Variants in INTS4 observed in about 807,000 individuals in gnomAD.
The protein encoded by INTS4 is integrator complex subunit 4, also known as MSTP093.
Under a neutral mutation model 119.5 loss-of-function variants are expected in INTS4, and 70 were observed. The observed-to-expected ratio is 0.59, with a 90% confidence interval of 0.48 to 0.71. The LOEUF is 0.71. Among genes scored for constraint, INTS4 ranks in the 30% least tolerant of loss-of-function variants. The pLI is 0.00. For missense variants in INTS4, 867 were observed against 1,173.2 expected (o/e 0.74, Z 3.81); for synonymous variants, 316 against 419.6 (o/e 0.75, Z 3.02).
At chr11:77,889,369 G>C (rs1014593407) in intron 21 of INTS4, among the ~76,000 whole-genome samples, 4 of 149,876 alleles carry the variant, frequency 2.7e-5, no homozygotes, top group Admixed American at 1.3e-4. Context: ...ACACAGGAAG[G>C]GGAACATCAC....
chr11:77,972,870 C>T (rs1591128988), intron 4 of INTS4, among the ~76,000 whole-genome samples: 1 of 147,748 alleles, frequency 6.8e-6, no homozygotes, highest in Non-Finnish European at 1.5e-5. Context: ...TCTCATTCTG[C>T]TGCCCAGGCT....
chr11:77,921,065 G>A (rs1032415521), intron 14 of INTS4, among the ~76,000 whole-genome samples: 20 of 152,028 alleles, frequency 1.3e-4, no homozygotes, highest in African/African-American at 4.6e-4. Context: ...GAAAGAGAAT[G>A]AACAAACAAG....
intron 4 of INTS4, among the ~76,000 whole-genome samples, chr11:77,965,797 G>A (rs1855479740): frequency 6.6e-6 from 1 of 152,190 alleles, no homozygotes; most frequent in Non-Finnish European, 1.5e-5. Context: ...TGGAGTGCAA[G>A]CATCCCTTCA....
At chr11:77,900,242 G>A (rs1354682161) in intron 18 of INTS4, among the ~76,000 whole-genome samples, 7 of 151,828 alleles carry the variant, frequency 4.6e-5, no homozygotes, top group Non-Finnish European at 1.0e-4. Context: ...TGGGACTACT[G>A]GTGCATGCCA....
rs747363894 is a variant in INTS4 at position 77,924,767 on chromosome 11, A to G, written c.1497T>C (p.Asp499=). ...GTCATTACTTCCATATGGAGTCCCTATCAGTAGGGTACTTGGTTAAATTTT... is the reference window on the plus strand; with the variant it reads ...GTCATTACTTCCATATGGAGTCCCTGTCAGTAGGGTACTTGGTTAAATTTT... ...LLKNLTKYPT[D]RDSIWKCLKF... Residue 499 remains aspartate, a synonymous_variant, in exon 12 of 23, where the codon GAT becomes GAC. Coordinates refer to ENST00000534064, the MANE Select transcript of INTS4 (RefSeq NM_033547.4). 88 of 1,609,142 alleles carry G rather than the reference A, an allele frequency of 5.5e-5. No individual in the cohort carries two copies. Among genetic ancestry groups the G allele is most frequent in the Non-Finnish European group, 7.4e-5 (87 of 1,176,092 alleles).
At chr11:77,890,446 T>C (rs1016457696) in intron 21 of INTS4, among the ~76,000 whole-genome samples, 3 of 151,944 alleles carry the variant, frequency 2.0e-5, no homozygotes, top group Non-Finnish European at 2.9e-5. Flanking sequence ...CTCATATCCC[T>C]TGTGCCCTTC....
intron 14 of INTS4, 40 bp downstream of exon 14, chr11:77,921,300 T>C (rs1953355425): frequency 1.2e-6 from 2 of 1,600,898 alleles, no homozygotes; most frequent in Non-Finnish European, 8.5e-7. Flanking sequence ...CCCTACCCCA[T>C]GCAAAATAAA....
At chr11:77,901,395 A>G in intron 18 of INTS4, 26 bp downstream of exon 18, 36 of 1,613,396 alleles carry the variant, frequency 2.2e-5, no homozygotes, top group Non-Finnish European at 3.1e-5. Flanking sequence ...AACATGCCAC[A>G]TATTTTGGCC....
At position 77,961,027 on chromosome 11, in the gene INTS4, C is replaced by G; in HGVS notation, c.583G>C (p.Asp195His). ...TAATCCCCTATAATCTTCTGGACAT[C>G]TCTGGCAGCTAGGCCTTCTGCATCT... The part of the protein sequence containing the change: ...TKDAEGLAAR[D>H]VQKIIGDYFS... The change falls in exon 5 of 23, where the codon GAT becomes CAT. Residue 195 changes from aspartate to histidine, a missense_variant. Asp to His is a moderately conservative substitution (Grantham distance 81). Coordinates refer to ENST00000534064, the MANE Select transcript of INTS4 (RefSeq NM_033547.4). 1 of 1,613,692 alleles carries G rather than the reference C, an allele frequency of 6.2e-7. No individual in the cohort carries two copies. Among genetic ancestry groups the G allele is most frequent in the African/African-American group, 1.3e-5 (1 of 74,926 alleles).
At chr11:77,947,621 C>T (rs1264993553) in intron 8 of INTS4, among the ~76,000 whole-genome samples, 1 of 152,110 alleles carries the variant, frequency 6.6e-6, no homozygotes, top group South Asian at 2.1e-4. Context: ...CCCAGTGATA[C>T]AATATGTCAT....
chr11:77,880,656 TC>T (rs1339988230), intron 22 of INTS4, among the ~76,000 whole-genome samples: 2 of 152,142 alleles, frequency 1.3e-5, no homozygotes. Context: ...CATAGCACTT[TC>T]AAGAAGCCAA....
At chr11:77,880,487 A>AT in intron 22 of INTS4, among the ~76,000 whole-genome samples, 2 of 152,340 alleles carry the variant, frequency 1.3e-5, no homozygotes, top group East Asian at 3.9e-4. Context: ...TGCAGCAGCC[A>AT]TGAGTGTAAC....
intron 12 of INTS4, 155 bp downstream of exon 12, chr11:77,924,595 T>C (rs1953449096): frequency 1.6e-6 from 1 of 606,360 alleles, no homozygotes; most frequent in African/African-American, 1.9e-5. Context: ...AGGAATCAGA[T>C]TCCTGAGAGT....
chr11:77,933,748 C>T (rs1294734447), intron 10 of INTS4, among the ~76,000 whole-genome samples: 4 of 151,566 alleles, frequency 2.6e-5, no homozygotes, highest in African/African-American at 7.3e-5. Context: ...AGAGCCCCTC[C>T]GCCCAGCAGC....
At chr11:77,898,812 G>A (rs1012499936) in intron 18 of INTS4, among the ~76,000 whole-genome samples, 26 of 152,130 alleles carry the variant, frequency 1.7e-4, no homozygotes, top group African/African-American at 6.3e-4. Flanking sequence ...TTGAGGCCAG[G>A]AGTTTGAGAC....
intron 8 of INTS4, among the ~76,000 whole-genome samples, chr11:77,948,483 TAA>T (rs2136545728): frequency 6.6e-6 from 1 of 151,708 alleles, no homozygotes; most frequent in South Asian, 2.1e-4. Flanking sequence ...CCGTCTCTAA[TAA>T]AAATGCAAAA....
At chr11:77,912,387 A>ACAC (rs1277571207) in intron 15 of INTS4, among the ~76,000 whole-genome samples, 1 of 151,946 alleles carries the variant, frequency 6.6e-6, no homozygotes, top group Non-Finnish European at 1.5e-5. Flanking sequence ...ACAGCTGGAT[A>ACAC]CACTGGGCCA....
downstream of INTS4, among the ~76,000 whole-genome samples, chr11:77,875,159 G>C (rs1038897728): frequency 6.6e-6 from 1 of 152,156 alleles, no homozygotes; most frequent in East Asian, 1.9e-4. Flanking sequence ...TCAGAAACCT[G>C]AATCTTTTTT....
intron 8 of INTS4, among the ~76,000 whole-genome samples, chr11:77,948,456 G>A (rs1954100980): frequency 6.6e-6 from 1 of 151,968 alleles, no homozygotes; most frequent in East Asian, 1.9e-4. Context: ...AGACCAGCAT[G>A]GCCAACATGT....
Sources: gnomAD v4.1 joint callset for allele counts (sites outside exome capture counted in the v4.1 genomes callset) on GRCh38, gnomAD v4.1.1 for gene constraint, MANE v1.5 for transcripts, NCBI Gene and HGNC (gene_info 2026-07-23, HGNC 2026-07-21) for gene names.